IQANK1: variants seen among roughly 807,000 people sequenced by gnomAD.
IQANK1 encodes the protein IQ motif and ankyrin repeat containing 1.
In IQANK1, 30 loss-of-function variants were observed where a neutral mutation model predicts 22.6. The ratio of observed to expected loss-of-function variants is 1.33; its 90% CI spans 0.99 to 1.80. The LOEUF (loss-of-function observed/expected upper bound fraction) is 1.80, where lower values mean the gene tolerates loss of function less well. IQANK1 is among the 40% of genes most tolerant of loss of function. IQANK1 has a pLI of 0.00. For synonymous variants in IQANK1, 122 were observed against 99.6 expected (o/e 1.23, Z -1.34); for missense variants, 275 against 235.2 (o/e 1.17, Z -1.11).
At position 143,790,622 on chromosome 8, in the gene IQANK1, C is replaced by A; in HGVS notation, c.*14C>A. On this transcript the variant is annotated 3_prime_UTR_variant, in exon 14 of 14. Transcript: ENST00000527139. ...ACAGGCCTCTAGTGCTGGCCCCAGT[C>A]CCAATAAAACGTGTGCCCCGGGGCG... 1 of 398,708 alleles carries A rather than the reference C, an allele frequency of 2.5e-6. No individual in the cohort carries two copies. The highest frequency in any genetic ancestry group is 1.3e-4 in the South Asian group (1 of 7,782). 24.7% of individuals were successfully genotyped at this position (398,708 alleles called of 1,614,324 possible). A position where few individuals can be genotyped will look rare whatever the true frequency, so the allele number is the denominator to read the frequency against.
chr8:143,748,869 T>TATATAAATATATATATCATATATAAAC (rs1819107959), intron 3 of IQANK1, among the ~76,000 whole-genome samples: 2 of 98,604 alleles, frequency 2.0e-5, no homozygotes. Flanking sequence ...CATATATAAA[T>TATATAAATATATATATCATATATAAAC]ATATAAATAT....
Position 143,771,338 on chromosome 8 carries a change from A to C in IQANK1, c.176-150A>C, listed in dbSNP as rs1554629720. On this transcript the variant is annotated intron_variant, in intron 3 of 13. Coordinates refer to ENST00000527139, the MANE Select transcript of IQANK1 (RefSeq NM_001381874.1). This position sits in a 1 kb window ranked among gnomAD's most constrained non-coding sequence, Gnocchi z 6.0. ...TCCTCGTGCGGCCTCTGCGGGCGGG[A>C]ACCCCGGCTCGGCCGCGCTGGGGGC... The C allele has an allele frequency of 2.7e-6, 1 of 370,960 alleles. No homozygotes were observed. The highest frequency in any genetic ancestry group is 4.7e-6 in the Non-Finnish European group (1 of 214,850). The allele number at this position is 370,960 out of a possible 1,614,324, so 23.0% of individuals were successfully genotyped here.
chr8:143,735,832 T>A lies in IQANK1; in HGVS notation c.-4-18T>A. 1.4e-6 allele frequency: 1 copy of A among 702,432 alleles called. No homozygotes were observed. Among genetic ancestry groups the A allele is most frequent in the Non-Finnish European group, 2.6e-6 (1 of 384,780 alleles). 43.5% of individuals were successfully genotyped at this position (702,432 alleles called of 1,614,324 possible). A position where few individuals can be genotyped will look rare whatever the true frequency, so the allele number is the denominator to read the frequency against. ...CTCTGAGCACCCTCTCCCTGGTCCT[T>A]CCCTACCCACCCCCCAGGAGAATGG... On this transcript the variant is annotated intron_variant, in intron 1 of 13. Transcript: ENST00000527139. This position sits in a 1 kb window ranked among gnomAD's most constrained non-coding sequence, Gnocchi z 5.2.
chr8:143,735,162 A>T lies in IQANK1; in HGVS notation c.-4-688A>T, dbSNP rs1449076547. The stretch of plus-strand genomic sequence containing the variant: ...CCACTGGTACCAGCATGCTGGAAAC[A>T]TGGGTGGGGGGTCAGACCAGTGCCC... On this transcript the variant is annotated intron_variant, in intron 1 of 13. Coordinates refer to ENST00000527139, the MANE Select transcript of IQANK1 (RefSeq NM_001381874.1). This position sits in a 1 kb window ranked among gnomAD's most constrained non-coding sequence, Gnocchi z 5.2. 6.6e-6 allele frequency among the ~76,000 whole-genome samples: 1 copy of T among 152,232 alleles called. No homozygotes were observed. Among genetic ancestry groups the T allele is most frequent in the African/African-American group, 2.4e-5 (1 of 41,460 alleles).
intron 3 of IQANK1, chr8:143,743,088 C>A (rs1554626836): frequency 2.2e-6 from 1 of 452,462 alleles, no homozygotes; most frequent in Non-Finnish European, 4.5e-6. Flanking sequence ...CCACATCTAC[C>A]AGCTCTGCAG....
intron 3 of IQANK1, among the ~76,000 whole-genome samples, chr8:143,740,679 C>T (rs1213400730): frequency 1.3e-5 from 2 of 152,208 alleles, no homozygotes; most frequent in Admixed American, 1.3e-4. Flanking sequence ...TGGGCATGGG[C>T]CATGCTGGCC....
intron 7 of IQANK1, 23 bp from the exon 8 acceptor site, chr8:143,788,892 C>G: frequency 7.5e-6 from 3 of 399,018 alleles, no homozygotes; most frequent in Non-Finnish European, 1.3e-5. Context: ...ACTGAGGGCC[C>G]GACAAATGTC....
In IQANK1 at chr8:143,789,751, C is replaced by G. The variant is rs1460207578; in HGVS notation, c.1087-10C>G. On this transcript the variant is annotated splice_polypyrimidine_tract_variant and intron_variant, in intron 10 of 13. Coordinates refer to ENST00000527139, the MANE Select transcript of IQANK1 (RefSeq NM_001381874.1). ...CAGGGCAAGCAAGTCAGTGTGGCCT[C>G]CTCCTCCAGGCCATCAAGGACACAG... 2 of 1,231,374 alleles carry G rather than the reference C, an allele frequency of 1.6e-6. No individual in the cohort carries two copies. The highest frequency in any genetic ancestry group is 8.4e-5 in the Admixed American group (2 of 23,708). The allele number at this position is 1,231,374 out of a possible 1,614,324, so 76.3% of individuals were successfully genotyped here. A position where few individuals can be genotyped will look rare whatever the true frequency, so the allele number is the denominator to read the frequency against.
intron 2 of IQANK1, 119 bp from the exon 3 acceptor site, chr8:143,739,740 G>A: frequency 3.5e-6 from 2 of 578,926 alleles, no homozygotes; most frequent in Non-Finnish European, 6.2e-6. Context: ...GGAGGCCCGG[G>A]TGGGGGGCTC....
Position 143,771,569 on chromosome 8 carries a change from G to A in IQANK1, c.257G>A (p.Arg86Gln), listed in dbSNP as rs1245945751. Residue 86 changes from arginine (R) to glutamine (Q), a missense_variant, in exon 4 of 14, where the codon CGG (arginine) becomes CAG (glutamine). Coordinates refer to ENST00000527139, the MANE Select transcript of IQANK1 (RefSeq NM_001381874.1). The surrounding 1 kb of genome is among the most constrained non-coding windows in gnomAD (Gnocchi z 6.0). ...GCCAGGAGGGAGCTCGCCCGCCGCCGGGAGGAGCGCCGGGAGTACCTGGAG... is the reference window on the plus strand; with the variant it reads ...GCCAGGAGGGAGCTCGCCCGCCGCCAGGAGGAGCGCCGGGAGTACCTGGAG... ...LRARRELARR[R>Q]EERREYLEQM... The A allele has an allele frequency of 5.5e-5, 22 of 398,194 alleles. No homozygotes were observed. Among genetic ancestry groups the A allele is most frequent in the Non-Finnish European group, 9.3e-5 (21 of 225,878 alleles). 24.7% of individuals were successfully genotyped at this position (398,194 alleles called of 1,614,324 possible).
At chr8:143,742,304 C>T (rs567758913) in intron 3 of IQANK1, 57 of 445,592 alleles carry the variant, frequency 1.3e-4, no homozygotes, top group African/African-American at 9.8e-4. Context: ...AGGTGCCCCC[C>T]GGGGGCTTCC....
At chr8:143,768,664 G>A (rs4875050) in intron 3 of IQANK1, among the ~76,000 whole-genome samples, 151,674 of 152,256 alleles carry the variant, frequency 1, 75,551 homozygotes, top group Non-Finnish European at 1. Context: ...TTGTATCACT[G>A]TGGACTCACT....
chr8:143,739,782 G>GC, intron 2 of IQANK1, 77 bp from the exon 3 acceptor site: 1 of 609,240 alleles, frequency 1.6e-6, no homozygotes, highest in Non-Finnish European at 3.0e-6. Flanking sequence ...CCCTTTCGGT[G>GC]CCCCATAAGT....
chr8:143,790,282 C>T lies in IQANK1; in HGVS notation c.1424+11C>T. 8.1e-7 allele frequency: 1 copy of T among 1,232,124 alleles called. No homozygotes were observed. Among genetic ancestry groups the T allele is most frequent in the Non-Finnish European group, 1.0e-6 (1 of 988,038 alleles). The allele number at this position is 1,232,124 out of a possible 1,614,324, so 76.3% of individuals were successfully genotyped here. A position where few individuals can be genotyped will look rare whatever the true frequency, so the allele number is the denominator to read the frequency against. On this transcript the variant is annotated intron_variant, in intron 13 of 13. Coordinates refer to ENST00000527139, the MANE Select transcript of IQANK1 (RefSeq NM_001381874.1). ...GCTGGGGGCTCTGCGGTGAGGCAGGCAGGGTGACAGGTACACCCCACCCCA... is the reference window on the plus strand; with the variant it reads ...GCTGGGGGCTCTGCGGTGAGGCAGGTAGGGTGACAGGTACACCCCACCCCA...
rs140378621 is a variant in IQANK1, at chr8:143,781,446, T to C, written c.790-7469T>C. Among the ~76,000 whole-genome samples, 23 of 152,308 alleles carry C rather than the reference T, an allele frequency of 1.5e-4. 1 individual carries two copies. Among genetic ancestry groups the C allele is most frequent in the African/African-American group, 5.5e-4 (23 of 41,562 alleles). On this transcript the variant is annotated intron_variant, in intron 7 of 13. Transcript: ENST00000527139. ...CCTATGTTGTCTTCCAGGGTTTTTA[T>C]AGTTTTGAGTTTTACATTTAAGTCT...
At chr8:143,784,020 T>C (rs529453656) in intron 7 of IQANK1, among the ~76,000 whole-genome samples, 5 of 152,360 alleles carry the variant, frequency 3.3e-5, no homozygotes, top group African/African-American at 1.2e-4. Context: ...CTTCCCACCT[T>C]GTTTTTCTTC....
At position 143,789,068 on chromosome 8, in the gene IQANK1, G is replaced by A. The variant is rs1049638914; in HGVS notation, c.938+5G>A. 1.0e-5 allele frequency: 4 copies of A among 401,304 alleles called. No individual in the cohort carries two copies. Among genetic ancestry groups the A allele is most frequent in the Non-Finnish European group, 1.8e-5 (4 of 227,592 alleles). The allele number at this position is 401,304 out of a possible 1,614,324, so 24.9% of individuals were successfully genotyped here. A position where few individuals can be genotyped will look rare whatever the true frequency, so the allele number is the denominator to read the frequency against. ...CGAGGCTGAGCGGTGTGGAAGGCAG[G>A]AGGGGTGTGGGAGGTGCTGGCGAGG... On this transcript the variant is annotated splice_donor_5th_base_variant and intron_variant, in intron 8 of 13. Transcript: ENST00000527139.
chr8:143,744,421 C>T (rs1415379124), intron 3 of IQANK1: 4 of 152,198 alleles, frequency 2.6e-5, no homozygotes, highest in African/African-American at 9.7e-5. Context: ...TCTGACCCTC[C>T]CGAGCGAGGA....
At chr8:143,767,432 T>C (rs10098718) in intron 3 of IQANK1, among the ~76,000 whole-genome samples, 151,698 of 152,278 alleles carry the variant, frequency 1, 75,564 homozygotes, top group Non-Finnish European at 1. Context: ...AATTGTTTAC[T>C]TTTTTATTTT....
Sources: gnomAD v4.1 joint callset for allele counts (sites outside exome capture counted in the v4.1 genomes callset) on GRCh38, gnomAD v4.1.1 for gene constraint, Gnocchi (gnomAD v3.1) non-coding constraint, MANE v1.5 for transcripts, NCBI Gene and HGNC (gene_info 2026-07-23, HGNC 2026-07-21) for gene names.